The following MROH9 variants were observed in gnomAD, a reference collection of about 807,000 sequenced individuals.
The protein encoded by MROH9 is maestro heat like repeat family member 9, also known as maestro heat-like repeat-containing protein family member 9.
MROH9 carries 92 observed loss-of-function variants against 98.2 expected under a neutral mutation model. The ratio of observed to expected loss-of-function variants is 0.94; its 90% CI spans 0.79 to 1.11. MROH9 has a LOEUF of 1.11. Ranked by LOEUF, MROH9 falls within the 50% of genes most tolerant of loss-of-function variation. The probability of loss-of-function intolerance (pLI) is 0.00; values close to 1 mark genes in which losing one functional copy is unlikely to be tolerated. For missense variants in MROH9, 1,057 were observed against 1,014.8 expected (o/e 1.04, Z -0.57); for synonymous variants, 397 against 368.9 (o/e 1.08, Z -0.87).
chr1:171,030,900 A>G (rs971778025), intron 20 of MROH9, among the ~76,000 whole-genome samples: 1 of 152,164 alleles, frequency 6.6e-6, no homozygotes, highest in Non-Finnish European at 1.5e-5. Context: ...ATATCCCACT[A>G]TTATTGTGTG....
In MROH9 at chr1:171,064,257, C is replaced by A. The variant is rs546065073; in HGVS notation, c.2503C>A (p.Pro835Thr). Reference protein sequence around the residue: ...LKLFYIKKLKPLYNYNSPNGQ... With the variant: ...LKLFYIKKLKTLYNYNSPNGQ... Reference sequence around the variant, plus strand: ...ATTATTCTACATCAAAAAATTGAAGCCTCTTTACAATTATAACTCACCCAA... The same window carrying A: ...ATTATTCTACATCAAAAAATTGAAGACTCTTTACAATTATAACTCACCCAA... Residue 835 changes from proline (P) to threonine (T), a missense_variant, in exon 22 of 22, where the codon CCT becomes ACT. Transcript: ENST00000367759. 77 of 1,551,302 alleles carry A rather than the reference C, an allele frequency of 5.0e-5. No homozygotes were observed. Among genetic ancestry groups the A allele is most frequent in the Non-Finnish European group, 6.5e-5 (74 of 1,146,860 alleles).
chr1:170,954,196 C>A (rs1039338181), intron 3 of MROH9, among the ~76,000 whole-genome samples: 1 of 152,070 alleles, frequency 6.6e-6, no homozygotes, highest in Non-Finnish European at 1.5e-5. Flanking sequence ...TCCAATCCAA[C>A]TGCTCCAGCC....
At position 171,016,349 on chromosome 1, in the gene MROH9, G is replaced by A. The variant is rs1390300652; in HGVS notation, c.1908+13G>A. The A allele has an allele frequency of 2.1e-6, 3 of 1,459,056 alleles. No individual in the cohort carries two copies. Among genetic ancestry groups the A allele is most frequent in the Non-Finnish European group, 1.8e-6 (2 of 1,101,752 alleles). 90.4% of individuals were successfully genotyped at this position (1,459,056 alleles called of 1,614,324 possible). On this transcript the variant is annotated intron_variant, in intron 17 of 21. Transcript: ENST00000367759. ...TCTGATGGATCATGTGAGTTACACA[G>A]TTAGATATGTGAGATCATTAGGTTT... is the stretch of plus-strand genomic sequence containing the variant.
At chr1:170,960,216 C>A (rs1557874523) in intron 5 of MROH9, among the ~76,000 whole-genome samples, 1 of 152,174 alleles carries the variant, frequency 6.6e-6, no homozygotes, top group South Asian at 2.1e-4. Context: ...GTTCCTGTAT[C>A]CCTAACACAG....
intron 3 of MROH9, among the ~76,000 whole-genome samples, chr1:170,953,895 A>AAG (rs1649660574): frequency 1.3e-5 from 2 of 149,792 alleles, no homozygotes. Context: ...AAGAAAGAAA[A>AAG]AAAGAGAGAG....
At chr1:171,059,396 C>T (rs1206326749) in intron 20 of MROH9, among the ~76,000 whole-genome samples, 3 of 152,104 alleles carry the variant, frequency 2.0e-5, no homozygotes, top group Non-Finnish European at 4.4e-5. Flanking sequence ...ACAATAGATG[C>T]TGGCGAGGCT....
intron 20 of MROH9, among the ~76,000 whole-genome samples, chr1:171,032,536 A>AG (rs1021056979): frequency 1.3e-5 from 2 of 152,020 alleles, no homozygotes; most frequent in Admixed American, 1.3e-4. Context: ...CCTCTTTTGT[A>AG]GGGCTGCTGC....
At chr1:171,010,968 G>A (rs901604445) in intron 15 of MROH9, among the ~76,000 whole-genome samples, 2 of 152,046 alleles carry the variant, frequency 1.3e-5, no homozygotes, top group Non-Finnish European at 2.9e-5. Context: ...TTTGTCAATT[G>A]TGGCTTTTGT....
At chr1:170,949,758 G>C (rs142654730) in intron 3 of MROH9, among the ~76,000 whole-genome samples, 1 of 152,010 alleles carries the variant, frequency 6.6e-6, no homozygotes, top group Non-Finnish European at 1.5e-5. Flanking sequence ...GGCACCACCT[G>C]CTTGCCAGAA....
chr1:171,051,778 T>A (rs907662840), intron 20 of MROH9, among the ~76,000 whole-genome samples: 12 of 152,132 alleles, frequency 7.9e-5, no homozygotes, highest in Admixed American at 2.0e-4. Context: ...TTTAAAAAAA[T>A]TTCTATTTTC....
chr1:171,044,970 A>ATTTTTTTTT, intron 20 of MROH9, among the ~76,000 whole-genome samples: 2 of 41,356 alleles, frequency 4.8e-5, no homozygotes, highest in Admixed American at 2.9e-4. Flanking sequence ...TTCTGCTCTG[A>ATTTTTTTTT]TCTTTTTTTT....
intron 21 of MROH9, among the ~76,000 whole-genome samples, chr1:171,062,909 G>A (rs74123671): frequency 0.026 from 3,954 of 151,334 alleles, 165 homozygotes; most frequent in African/African-American, 0.089. Context: ...CCCCATTATC[G>A]ACATCCCCCA....
At chr1:171,062,241 C>T (rs1297402745) in intron 21 of MROH9, 47 bp downstream of exon 21, 4 of 1,318,236 alleles carry the variant, frequency 3.0e-6, no homozygotes, top group Non-Finnish European at 4.3e-6. Context: ...AATCTAAATA[C>T]ATTTACTATT....
In MROH9 at chr1:171,062,260, T is replaced by G. The variant is rs1425978025; in HGVS notation, c.2344+66T>G. 74 of 1,159,234 alleles carry G rather than the reference T, an allele frequency of 6.4e-5. No homozygotes were observed. The East Asian group carries it at 1.9e-3, about 29-fold the overall frequency. 71.8% of individuals were successfully genotyped at this position (1,159,234 alleles called of 1,614,324 possible). ...TAAATACATTTACTATTTTTAATTCTAGTCACATATGAGTTCTGTTAGAGT... is the reference window on the plus strand; with the variant it reads ...TAAATACATTTACTATTTTTAATTCGAGTCACATATGAGTTCTGTTAGAGT... On this transcript the variant is annotated intron_variant, in intron 21 of 21. Transcript: ENST00000367759.
At chr1:170,970,716 G>A (rs958240039) in intron 7 of MROH9, among the ~76,000 whole-genome samples, 3 of 131,754 alleles carry the variant, frequency 2.3e-5, no homozygotes, top group Non-Finnish European at 3.3e-5. Context: ...GTGTGTGTGT[G>A]TGTGTGTGTG....
At chr1:171,030,082 T>C (rs1167547660) in intron 20 of MROH9, among the ~76,000 whole-genome samples, 1 of 152,208 alleles carries the variant, frequency 6.6e-6, no homozygotes, top group Non-Finnish European at 1.5e-5. Context: ...TTTATTTGCA[T>C]AGAGGTGTTT....
intron 20 of MROH9, among the ~76,000 whole-genome samples, chr1:171,058,834 A>T (rs1448695588): frequency 2.6e-5 from 4 of 152,256 alleles, no homozygotes; most frequent in African/African-American, 7.2e-5. Context: ...CACCTTATAC[A>T]AAAATTAACT....
intron 3 of MROH9, among the ~76,000 whole-genome samples, chr1:170,957,126 T>C (rs1343999367): frequency 6.6e-6 from 1 of 152,116 alleles, no homozygotes; most frequent in Non-Finnish European, 1.5e-5. Context: ...AGGTTGTCTT[T>C]CTAATTTTAT....
chr1:170,965,170 G>A lies in MROH9; in HGVS notation c.395G>A (p.Ser132Asn), dbSNP rs200830573. ...QILKEMLVWM[S>N]KDSSYLQERI... ...CAACAGGAAATGCTCGTGTGGATGA[G>A]TAAAGATAGCTCATATCTGCAAGAG... The change falls in exon 7 of 22, where the codon AGT becomes AAT. Residue 132 changes from serine to asparagine, a missense_variant. Coordinates refer to ENST00000367759, the MANE Select transcript of MROH9 (RefSeq NM_001163629.2). The A allele has an allele frequency of 3.7e-4, 601 of 1,610,260 alleles. No individual in the cohort carries two copies. The highest frequency in any genetic ancestry group is 4.9e-4 in the Non-Finnish European group (577 of 1,177,374).
Sources: allele counts gnomAD v4.1 joint callset (sites outside exome capture counted in the v4.1 genomes callset), GRCh38; gene constraint gnomAD v4.1.1; transcripts MANE v1.5; gene names NCBI Gene and HGNC (gene_info 2026-07-23, HGNC 2026-07-21).